Variants in HPD observed in about 807,000 individuals in gnomAD.
The protein encoded by HPD is 4-hydroxyphenylpyruvate dioxygenase.
HPD carries 35 observed loss-of-function variants against 56.9 expected under a neutral mutation model. The observed-to-expected ratio is 0.62, with a 90% CI of 0.47 to 0.82. The LOEUF (loss-of-function observed/expected upper bound fraction) is 0.82. Among genes scored for constraint, HPD ranks in the 40% least tolerant of loss-of-function variants. The pLI, the probability that HPD is intolerant of heterozygous loss-of-function variation, is 0.00. For synonymous variants in HPD, 186 were observed against 200.2 expected, an observed-to-expected ratio of 0.93 and a Z score of 0.60; for missense variants, 442 against 506.8, an observed-to-expected ratio of 0.87 and a Z score of 1.23.
At chr12:121,887,316 T>C in the HPD span, among the ~76,000 whole-genome samples, 1 of 151,750 alleles carries the variant, frequency 6.6e-6, no homozygotes, top group African/African-American at 2.4e-5. Context: ...TCTCCCAGCA[T>C]AATGGGACTA....
the HPD span, among the ~76,000 whole-genome samples, chr12:121,871,950 G>C: frequency 6.6e-6 from 1 of 151,300 alleles, no homozygotes; most frequent in Non-Finnish European, 1.5e-5. Flanking sequence ...ATGGAGTCTC[G>C]GGCTGGGCGC....
At chr12:121,850,801 C>G (rs556992656) in intron 7 of HPD, among the ~76,000 whole-genome samples, 1 of 149,788 alleles carries the variant, frequency 6.7e-6, no homozygotes, top group Admixed American at 6.8e-5. Flanking sequence ...CAGGTTCAAG[C>G]GATTCTCCTG....
intron 12 of HPD, among the ~76,000 whole-genome samples, chr12:121,842,115 T>C (rs1299740661): frequency 1.3e-5 from 2 of 151,942 alleles, no homozygotes; most frequent in Admixed American, 6.6e-5. Context: ...GCTAAGAGGC[T>C]CAAGGTTTCT....
chr12:121,882,754 G>C, the HPD span, among the ~76,000 whole-genome samples: 1 of 151,968 alleles, frequency 6.6e-6, no homozygotes, highest in Non-Finnish European at 1.5e-5. Context: ...TTTTCTTTTT[G>C]TTTTTGAGAG....
chr12:121,858,958 T>A, upstream of HPD: 2 of 1,019,692 alleles, frequency 2.0e-6, no homozygotes, highest in East Asian at 2.4e-5. Context: ...AGCCCAGCCC[T>A]GGAAGGTTCC....
At chr12:121,845,464 G>A (rs1052045614) in intron 11 of HPD, among the ~76,000 whole-genome samples, 29 of 150,584 alleles carry the variant, frequency 1.9e-4, no homozygotes, top group Middle Eastern at 3.4e-3. Flanking sequence ...AGCTGGGCGT[G>A]GTGGCGGGTG....
upstream of HPD, chr12:121,863,608 A>T (rs1878242361): frequency 6.6e-6 from 1 of 152,162 alleles, no homozygotes; most frequent in African/African-American, 2.4e-5. Flanking sequence ...TACAGAAATG[A>T]TCAGAATGAA....
intron 9 of HPD, 103 bp downstream of exon 9, chr12:121,848,896 G>C: frequency 1.1e-6 from 1 of 911,394 alleles, no homozygotes; most frequent in Non-Finnish European, 1.8e-6. Context: ...GTGAGCCACT[G>C]CACCCAGTCG....
At chr12:121,843,684 G>T (rs915059602) in intron 12 of HPD, 26 bp downstream of exon 12, 1 of 1,613,688 alleles carries the variant, frequency 6.2e-7, no homozygotes, top group South Asian at 1.1e-5. Context: ...CCCCCCACAA[G>T]GCTGCGGATC....
the HPD span, among the ~76,000 whole-genome samples, chr12:121,880,492 C>T: frequency 6.6e-6 from 1 of 152,104 alleles, no homozygotes; most frequent in Non-Finnish European, 1.5e-5. Flanking sequence ...CCATGCCCGG[C>T]CTGTACCATG....
intron 7 of HPD, among the ~76,000 whole-genome samples, chr12:121,852,084 A>G (rs1877813237): frequency 6.6e-6 from 1 of 152,118 alleles, no homozygotes; most frequent in Admixed American, 6.6e-5. Context: ...CAGTGGTGTG[A>G]TAACAGCTCA....
chr12:121,870,774 T>G, the HPD span, among the ~76,000 whole-genome samples: 11 of 151,786 alleles, frequency 7.2e-5, no homozygotes, highest in Non-Finnish European at 1.3e-4. Context: ...TTTTGTATTT[T>G]TAGTAGAGAT....
chr12:121,856,904 C>A, intron 4 of HPD: 2 of 542,332 alleles, frequency 3.7e-6, no homozygotes, highest in Non-Finnish European at 6.6e-6. Context: ...GCTTAAAATT[C>A]CTCTCCTCTG....
At chr12:121,880,742 T>C in the HPD span, among the ~76,000 whole-genome samples, 17 of 152,154 alleles carry the variant, frequency 1.1e-4, no homozygotes, top group South Asian at 4.1e-4. Flanking sequence ...TTCTCCTGCA[T>C]TGGCCTTCCA....
rs769033320 is a variant in HPD, at chr12:121,848,961, C to T, written c.596+38G>A. 8.1e-6 allele frequency: 12 copies of T among 1,483,724 alleles called. No individual in the cohort carries two copies. In the Admixed American group the frequency reaches 1.0e-4, roughly 12 times the overall value. The allele number at this position is 1,483,724 out of a possible 1,614,324, so 91.9% of individuals were successfully genotyped here. A position where few individuals can be genotyped will look rare whatever the true frequency, so the allele number is the denominator to read the frequency against. ...AGTGGGCCAGTCCACCGTGAGGACC[C>T]GTCATCTTCACGCAGAGGGAGAGGG... On this transcript the variant is annotated intron_variant, in intron 9 of 13. Coordinates refer to ENST00000289004, the MANE Select transcript of HPD (RefSeq NM_002150.3).
At chr12:121,845,268 C>A (rs534340047) in intron 11 of HPD, among the ~76,000 whole-genome samples, 2 of 149,182 alleles carry the variant, frequency 1.3e-5, no homozygotes, top group Non-Finnish European at 2.9e-5. Context: ...GTGTGCACCA[C>A]CACACCTGGC....
At chr12:121,841,335 A>C (rs1877401110) in intron 12 of HPD, among the ~76,000 whole-genome samples, 1 of 152,142 alleles carries the variant, frequency 6.6e-6, no homozygotes, top group African/African-American at 2.4e-5. Context: ...GCACCACTGC[A>C]CCCCAGCCTG....
At chr12:121,870,763 A>G in the HPD span, among the ~76,000 whole-genome samples, 2 of 151,352 alleles carry the variant, frequency 1.3e-5, no homozygotes, top group African/African-American at 4.9e-5. Flanking sequence ...CACCTGGCTA[A>G]TTTTGTATTT....
the HPD span, among the ~76,000 whole-genome samples, chr12:121,877,273 G>C: frequency 2.6e-5 from 4 of 152,076 alleles, no homozygotes; most frequent in Non-Finnish European, 4.4e-5. Context: ...CATACTAGTA[G>C]GTAGAGTTGG....
Sources: allele counts gnomAD v4.1 joint callset (sites outside exome capture counted in the v4.1 genomes callset), GRCh38; gene constraint gnomAD v4.1.1; transcripts MANE v1.5; gene names NCBI Gene and HGNC (gene_info 2026-07-23, HGNC 2026-07-21).